Variants in ALDH1A2 observed in about 807,000 individuals in gnomAD.
ALDH1A2 encodes retinal dehydrogenase 2.
In ALDH1A2, 27 loss-of-function variants were observed where a neutral mutation model predicts 60.3. The ratio of observed to expected loss-of-function variants is 0.45; its 90% CI spans 0.33 to 0.62. The LOEUF (loss-of-function observed/expected upper bound fraction) is 0.62, where lower values mean the gene tolerates loss of function less well. ALDH1A2 is among the 20% of genes least tolerant of loss of function. The pLI is 0.02. For synonymous variants in ALDH1A2, 289 were observed against 232.4 expected, an observed-to-expected ratio of 1.24 and a Z score of -2.21; for missense variants, 581 against 643.8, an observed-to-expected ratio of 0.90 and a Z score of 1.06.
At chr15:58,060,816 A>G (rs779419592) in intron 1 of ALDH1A2, among the ~76,000 whole-genome samples, 9 of 152,214 alleles carry the variant, frequency 5.9e-5, no homozygotes, top group Non-Finnish European at 8.8e-5. Flanking sequence ...TGTCACTAAG[A>G]TAACTCAAGA....
chr15:58,048,403 T>A (rs749739894), intron 1 of ALDH1A2, among the ~76,000 whole-genome samples: 5 of 152,002 alleles, frequency 3.3e-5, no homozygotes, highest in Non-Finnish European at 7.4e-5. Flanking sequence ...CCATCTAACC[T>A]CAAGGTCTGC....
chr15:57,967,618 T>A (rs1311271110), intron 7 of ALDH1A2, among the ~76,000 whole-genome samples: 1 of 152,118 alleles, frequency 6.6e-6, no homozygotes, highest in African/African-American at 2.4e-5. Context: ...TGAAAATGTA[T>A]CCCCATCCTG....
At chr15:57,982,522 CTAAG>C (rs1310010411) in intron 7 of ALDH1A2, among the ~76,000 whole-genome samples, 1 of 152,072 alleles carries the variant, frequency 6.6e-6, no homozygotes, top group Non-Finnish European at 1.5e-5. Context: ...TTAAGAGACT[CTAAG>C]TAAAGGATGA....
At chr15:58,053,796 C>T (rs1896832663) in intron 1 of ALDH1A2, among the ~76,000 whole-genome samples, 1 of 152,184 alleles carries the variant, frequency 6.6e-6, no homozygotes, top group Non-Finnish European at 1.5e-5. Flanking sequence ...TAAATAGCTA[C>T]AACTACCACC....
intron 12 of ALDH1A2, among the ~76,000 whole-genome samples, chr15:57,956,954 G>A (rs563565847): frequency 2.4e-4 from 37 of 152,254 alleles, no homozygotes; most frequent in African/African-American, 6.3e-4. Flanking sequence ...GGATCCTACC[G>A]TTTGGGTGTG....
chr15:57,995,003 G>C, intron 5 of ALDH1A2, 75 bp downstream of exon 5: 1 of 1,365,526 alleles, frequency 7.3e-7, no homozygotes, highest in South Asian at 1.2e-5. Flanking sequence ...ACATCGCTGA[G>C]GACCATGTTT....
chr15:58,056,554 A>T (rs1896900007), intron 1 of ALDH1A2, among the ~76,000 whole-genome samples: 1 of 152,164 alleles, frequency 6.6e-6, no homozygotes, highest in African/African-American at 2.4e-5. Flanking sequence ...ACTCTAAAGG[A>T]AAAATCCTTC....
chr15:57,961,051 C>T, intron 11 of ALDH1A2, 86 bp downstream of exon 11: 7 of 1,562,668 alleles, frequency 4.5e-6, no homozygotes, highest in Non-Finnish European at 6.1e-6. Context: ...TTGGTATTCC[C>T]CATCCTTCCA....
intron 7 of ALDH1A2, among the ~76,000 whole-genome samples, chr15:57,988,590 T>C (rs1415436441): frequency 6.6e-6 from 1 of 152,224 alleles, no homozygotes; most frequent in Non-Finnish European, 1.5e-5. Context: ...GGGTGTTACC[T>C]GCAAAGAGGC....
chr15:58,013,949 C>T lies in ALDH1A2; in HGVS notation c.272G>A (p.Gly91Asp). The T allele has an allele frequency of 6.2e-7, 1 of 1,614,070 alleles. No individual in the cohort carries two copies. Residue 91 changes from glycine (G) to aspartate (D), a missense_variant, in exon 3 of 13, where the codon GGT becomes GAT. By Grantham distance (94) the Gly-to-Asp change is moderately conservative. Coordinates refer to ENST00000249750, the MANE Select transcript of ALDH1A2 (RefSeq NM_003888.4). ...AGCATCCATCCTTCTCCACACTGAA[C>T]CAAGAGAGAAAGCCAGGCGGGCTGC... ...VQAARLAFSL[G>D]SVWRRMDASE... is the part of the protein sequence containing the mutation.
At chr15:58,050,697 A>G (rs1216358162) in intron 1 of ALDH1A2, among the ~76,000 whole-genome samples, 1 of 152,176 alleles carries the variant, frequency 6.6e-6, no homozygotes, top group Non-Finnish European at 1.5e-5. Flanking sequence ...TAATTCAACA[A>G]ATCAAGTGAA....
At chr15:58,063,361 G>A (rs1283285702) in intron 1 of ALDH1A2, among the ~76,000 whole-genome samples, 3 of 152,052 alleles carry the variant, frequency 2.0e-5, no homozygotes, top group Admixed American at 2.0e-4. Flanking sequence ...ATCCCCTATC[G>A]AATATGGTAT....
intron 4 of ALDH1A2, among the ~76,000 whole-genome samples, chr15:58,002,165 C>T (rs1200832433): frequency 3.3e-5 from 5 of 151,866 alleles, no homozygotes. Flanking sequence ...AAAAATCTTA[C>T]AATTAAATAC....
rs151004583 is a variant in ALDH1A2 at position 57,955,948 on chromosome 15, T to C, written c.1485-679A>G. 3.3e-5 allele frequency among the ~76,000 whole-genome samples: 5 copies of C among 152,304 alleles called. No individual in the cohort carries two copies. The South Asian group carries it at 8.3e-4, about 25-fold the overall frequency. ...ATGTTCTCCTCTTTTTCTTCTCTTC[T>C]TCTGAAAGTCACTCTTCAGTGATGC... is the stretch of plus-strand genomic sequence containing the variant. On this transcript the variant is annotated intron_variant, in intron 12 of 12. Coordinates refer to ENST00000249750, the MANE Select transcript of ALDH1A2 (RefSeq NM_003888.4).
intron 1 of ALDH1A2, among the ~76,000 whole-genome samples, chr15:58,027,997 T>G (rs1320380034): frequency 1.3e-5 from 2 of 152,152 alleles, no homozygotes; most frequent in African/African-American, 2.4e-5. Flanking sequence ...CCAGGAGAAC[T>G]TCCCCAACCT....
intron 4 of ALDH1A2, among the ~76,000 whole-genome samples, chr15:58,005,545 G>T (rs979593940): frequency 1.1e-4 from 17 of 151,932 alleles, no homozygotes; most frequent in Non-Finnish European, 1.0e-4. Context: ...CCAATTACAT[G>T]ATACCTTTCC....
chr15:58,015,675 G>C (rs760445526), intron 1 of ALDH1A2, among the ~76,000 whole-genome samples: 1 of 152,150 alleles, frequency 6.6e-6, no homozygotes, highest in Non-Finnish European at 1.5e-5. Context: ...CAATAACCCC[G>C]TGAAGCAGGG....
At chr15:58,005,098 A>G (rs1039652109) in intron 4 of ALDH1A2, among the ~76,000 whole-genome samples, 1 of 151,778 alleles carries the variant, frequency 6.6e-6, no homozygotes. Context: ...ACTGTCTTTC[A>G]TATCTGCTTA....
At chr15:58,024,254 A>G (rs1237723397) in intron 1 of ALDH1A2, among the ~76,000 whole-genome samples, 1 of 152,210 alleles carries the variant, frequency 6.6e-6, no homozygotes, top group Non-Finnish European at 1.5e-5. Flanking sequence ...AAGAATATAT[A>G]AAACAACCAG....
Sources: allele counts gnomAD v4.1 joint callset (sites outside exome capture counted in the v4.1 genomes callset), GRCh38; gene constraint gnomAD v4.1.1; transcripts MANE v1.5; gene names NCBI Gene and HGNC (gene_info 2026-07-23, HGNC 2026-07-21).